DGKG: variants seen among roughly 807,000 people sequenced by gnomAD.
DGKG encodes diacylglycerol kinase gamma.
In DGKG, 78 loss-of-function variants were observed where a neutral mutation model predicts 105.3. The ratio of observed to expected loss-of-function variants is 0.74; its 90% CI spans 0.62 to 0.89. The LOEUF is 0.89. Ranked by LOEUF, DGKG falls within the 40% of genes least tolerant of loss-of-function variation. The pLI is 0.00. For missense variants in DGKG, 958 were observed against 1,020.1 expected (o/e 0.94, Z 0.83); for synonymous variants, 346 against 367.1 (o/e 0.94, Z 0.66).
At position 186,147,494 on chromosome 3, in the gene DGKG, G is replaced by A; in HGVS notation, c.*2596C>T. ...TAGTGTTTAAAGGATGATTTGCAAGGCACGATTAAACAACAACACAAGATT... is the reference window on the plus strand; with the variant it reads ...TAGTGTTTAAAGGATGATTTGCAAGACACGATTAAACAACAACACAAGATT... On this transcript the variant is annotated 3_prime_UTR_variant, in exon 25 of 25. Transcript: ENST00000265022. 6.1e-6 allele frequency: 6 copies of A among 985,318 alleles called. No individual in the cohort carries two copies. Among genetic ancestry groups the A allele is most frequent in the Non-Finnish European group, 7.2e-6 (6 of 829,870 alleles). 61.0% of individuals were successfully genotyped at this position (985,318 alleles called of 1,614,324 possible).
chr3:186,175,892 A>G (rs1448953488), intron 22 of DGKG, among the ~76,000 whole-genome samples: 1 of 152,220 alleles, frequency 6.6e-6, no homozygotes, highest in Non-Finnish European at 1.5e-5. Flanking sequence ...ATTAAAAACT[A>G]CTATCCCAAC....
intron 20 of DGKG, among the ~76,000 whole-genome samples, chr3:186,233,254 G>C (rs1326381258): frequency 6.6e-6 from 1 of 152,186 alleles, no homozygotes; most frequent in Non-Finnish European, 1.5e-5. Flanking sequence ...AAGAATGTCA[G>C]GGGGACGCCA....
chr3:186,210,577 G>A lies in DGKG; in HGVS notation c.1917+1218C>T, dbSNP rs1242447679. On this transcript the variant is annotated intron_variant, in intron 21 of 24. Coordinates refer to ENST00000265022, the MANE Select transcript of DGKG (RefSeq NM_001346.3). This position sits in a 1 kb window ranked among gnomAD's most constrained non-coding sequence, Gnocchi z 5.2. Reference sequence around the variant, plus strand: ...GCAGGCAGATGAGTCAAATGCAGCCGCACAGAACCTCTGGCTTCGTGTTTT... The same window carrying A: ...GCAGGCAGATGAGTCAAATGCAGCCACACAGAACCTCTGGCTTCGTGTTTT... 1.5e-5 allele frequency: 7 copies of A among 453,692 alleles called. No homozygotes were observed. Among genetic ancestry groups the A allele is most frequent in the African/African-American group, 6.0e-5 (3 of 49,964 alleles). The allele number at this position is 453,692 out of a possible 1,614,324, so 28.1% of individuals were successfully genotyped here.
chr3:186,207,007 C>T (rs930714930), intron 21 of DGKG, among the ~76,000 whole-genome samples: 10 of 151,998 alleles, frequency 6.6e-5, no homozygotes, highest in African/African-American at 1.9e-4. Context: ...CCTCAGCCTC[C>T]CAGAGTGCTG....
chr3:186,330,817 A>T (rs2108650766), intron 1 of DGKG, among the ~76,000 whole-genome samples: 1 of 152,356 alleles, frequency 6.6e-6, no homozygotes, highest in East Asian at 1.9e-4. Flanking sequence ...GAGCAGAGAT[A>T]ACCCATCCCC....
intron 21 of DGKG, among the ~76,000 whole-genome samples, chr3:186,209,333 C>T (rs1002926350): frequency 1.3e-5 from 2 of 151,864 alleles, no homozygotes; most frequent in African/African-American, 2.4e-5. Flanking sequence ...AACTCCTGAC[C>T]GCTGGTGATC....
chr3:186,209,593 G>A (rs770708320), intron 21 of DGKG, among the ~76,000 whole-genome samples: 9 of 152,080 alleles, frequency 5.9e-5, no homozygotes, highest in African/African-American at 1.2e-4. Context: ...CTGGTGGGTC[G>A]TGTGCTGGTT....
chr3:186,337,674 G>C (rs1429119917), intron 1 of DGKG, among the ~76,000 whole-genome samples: 1 of 151,988 alleles, frequency 6.6e-6, no homozygotes, highest in South Asian at 2.1e-4. Context: ...GAATAGAAAA[G>C]GCAAATCTGT....
intron 20 of DGKG, among the ~76,000 whole-genome samples, chr3:186,220,583 G>A (rs752127886): frequency 6.6e-6 from 1 of 152,170 alleles, no homozygotes; most frequent in African/African-American, 2.4e-5. Context: ...TCTCATTCAT[G>A]CCTGTGAGCT....
intron 1 of DGKG, among the ~76,000 whole-genome samples, chr3:186,330,187 C>T (rs1265232786): frequency 1.3e-5 from 2 of 152,182 alleles, no homozygotes; most frequent in Admixed American, 6.5e-5. Flanking sequence ...ATAAAATATA[C>T]ATCAACACTC....
At chr3:186,180,391 C>G (rs951028768) in intron 22 of DGKG, among the ~76,000 whole-genome samples, 1 of 152,104 alleles carries the variant, frequency 6.6e-6, no homozygotes, top group African/African-American at 2.4e-5. Context: ...ACGGGAATGA[C>G]ATGTATGTTG....
At chr3:186,292,167 T>C (rs1405833909) in intron 5 of DGKG, among the ~76,000 whole-genome samples, 1 of 152,214 alleles carries the variant, frequency 6.6e-6, no homozygotes, top group Non-Finnish European at 1.5e-5. Flanking sequence ...CCCTTTCATG[T>C]GACGGCTCTT....
rs1014746256 is a variant in DGKG at position 186,348,511 on chromosome 3, C to T, written c.-249+13435G>A. ...CTGTTGTTCAGGCTGGAGTGCAGTGCTGTGATCACGGCTCACTGCAGTCTG... is the reference window on the plus strand; with the variant it reads ...CTGTTGTTCAGGCTGGAGTGCAGTGTTGTGATCACGGCTCACTGCAGTCTG... On this transcript the variant is annotated intron_variant, in intron 1 of 24. Transcript: ENST00000265022. Among the ~76,000 whole-genome samples the T allele has an allele frequency of 5.1e-5, 7 of 137,660 alleles. No homozygotes were observed. In the East Asian group the frequency reaches 8.5e-4, roughly 17 times the overall value. The allele number at this position is 137,660 out of a possible 152,430, so 90.3% of individuals were successfully genotyped here. A position where few individuals can be genotyped will look rare whatever the true frequency, so the allele number is the denominator to read the frequency against.
intron 7 of DGKG, 33 bp from the exon 8 acceptor site, chr3:186,280,777 G>A (rs1005690837): frequency 1.3e-6 from 2 of 1,579,780 alleles, no homozygotes; most frequent in African/African-American, 2.7e-5. Flanking sequence ...AATATCAAAA[G>A]GAGACAACCA....
Position 186,294,536 on chromosome 3 carries a change from C to CAA in DGKG, c.373+2883_373+2884dup, listed in dbSNP as rs10574886. On this transcript the variant is annotated intron_variant, in intron 5 of 24. Transcript: ENST00000265022. ...GGGCAACAAGAGTGAAACTCTGTCTCAAAAAAAAAAAAAAAAAAAAGTCTC... is the reference window on the plus strand; with the variant it reads ...GGGCAACAAGAGTGAAACTCTGTCTCAAAAAAAAAAAAAAAAAAAAAAGTCTC... 6.8e-3 allele frequency among the ~76,000 whole-genome samples: 731 copies of CAA among 106,728 alleles called. 9 individuals are homozygous for CAA. The highest frequency in any genetic ancestry group is 7.3e-3 in the Non-Finnish European group (377 of 51,984). The allele number at this position is 106,728 out of a possible 152,430, so 70.0% of individuals were successfully genotyped here. A position where few individuals can be genotyped will look rare whatever the true frequency, so the allele number is the denominator to read the frequency against.
chr3:186,318,009 TTGA>T lies in DGKG; in HGVS notation c.67+2381_67+2383del, dbSNP rs1342061523. On this transcript the variant is annotated intron_variant, in intron 2 of 24. Coordinates refer to ENST00000265022, the MANE Select transcript of DGKG (RefSeq NM_001346.3). ...ATGGCTTCCTTTTGTTGTACGTGCATTGATGATATTTCCACCACAGTTTCCCAC... is the reference window on the plus strand; with the variant it reads ...ATGGCTTCCTTTTGTTGTACGTGCATTGATATTTCCACCACAGTTTCCCAC... Among the ~76,000 whole-genome samples the T allele has an allele frequency of 2.0e-5, 3 of 152,182 alleles. No individual in the cohort carries two copies. The South Asian group carries it at 6.2e-4, about 32-fold the overall frequency.
Position 186,284,661 on chromosome 3 carries a change from G to T in DGKG, c.593C>A (p.Ala198Glu), listed in dbSNP as rs745999357. The T allele has an allele frequency of 6.2e-7, 1 of 1,613,134 alleles. No individual in the cohort carries two copies. Among genetic ancestry groups the T allele is most frequent in the Non-Finnish European group, 8.5e-7 (1 of 1,179,118 alleles). The change falls in exon 7 of 25, where the codon GCG becomes GAG. Residue 198 changes from alanine to glutamate, a missense_variant and splice_region_variant. Ala to Glu is a moderately radical substitution (Grantham distance 107, BLOSUM62 -1). Around this residue, in one of 2 missense-constraint regions of DGKG, gnomAD observed 643 missense variants for 619.5 expected, o/e 1.04. Transcript: ENST00000265022. This position sits in a 1 kb window ranked among gnomAD's most constrained non-coding sequence, Gnocchi z 4.0. ...DSDENGLLDQ[A>E]EMDCIVNQML... ...GGGATATTTAGAGTGAGAACTTACCGCTTGGTCCAGGAGACCGTTCTCATC... is the reference window on the plus strand; with the variant it reads ...GGGATATTTAGAGTGAGAACTTACCTCTTGGTCCAGGAGACCGTTCTCATC...
At chr3:186,152,646 G>A (rs527363229) in intron 24 of DGKG, among the ~76,000 whole-genome samples, 5 of 152,156 alleles carry the variant, frequency 3.3e-5, no homozygotes, top group African/African-American at 1.2e-4. Context: ...TACATTTCCC[G>A]CTGGTAGAGC....
At position 186,263,024 on chromosome 3, in the gene DGKG, G is replaced by A. The variant is rs916457173; in HGVS notation, c.1270-1246C>T. The stretch of plus-strand genomic sequence containing the variant: ...TGCCTGTAATCCCAGCTACTCGGGA[G>A]GCTGAGGCAGGAGAATCGCTTGAAC... On this transcript the variant is annotated intron_variant, in intron 14 of 24. Coordinates refer to ENST00000265022, the MANE Select transcript of DGKG (RefSeq NM_001346.3). Among the ~76,000 whole-genome samples, 5 of 152,164 alleles carry A rather than the reference G, an allele frequency of 3.3e-5. No individual in the cohort carries two copies. The East Asian group carries it at 9.7e-4, about 29-fold the overall frequency.
Sources: allele counts gnomAD v4.1 joint callset (sites outside exome capture counted in the v4.1 genomes callset), GRCh38; gene constraint gnomAD v4.1.1; regional missense constraint gnomAD v4.1.1; non-coding constraint Gnocchi (gnomAD v3.1); transcripts MANE v1.5; gene names NCBI Gene and HGNC (gene_info 2026-07-23, HGNC 2026-07-21).